Variants in LRGUK observed in about 807,000 individuals in gnomAD.
LRGUK encodes the protein leucine rich repeats and guanylate kinase domain containing.
In LRGUK, 65 loss-of-function variants were observed where a neutral mutation model predicts 76.0. The observed-to-expected ratio is 0.85, with a 90% CI of 0.70 to 1.05. LRGUK has a LOEUF of 1.05. Among genes scored for constraint, LRGUK ranks in the 50% least tolerant of loss-of-function variants. The pLI, the probability that LRGUK is intolerant of heterozygous loss-of-function variation, is 0.00. For synonymous variants in LRGUK, 268 were observed against 265.6 expected, an observed-to-expected ratio of 1.01 and a Z score of -0.09; for missense variants, 758 against 732.8, an observed-to-expected ratio of 1.03 and a Z score of -0.40.
chr7:134,169,476 G>A (rs1428894720), intron 7 of LRGUK, among the ~76,000 whole-genome samples: 1 of 152,138 alleles, frequency 6.6e-6, no homozygotes. Flanking sequence ...CTGTATGTCT[G>A]GGGAATAGAG....
intron 16 of LRGUK, among the ~76,000 whole-genome samples, chr7:134,232,737 AT>A (rs771123449): frequency 3.2e-4 from 48 of 152,198 alleles, no homozygotes; most frequent in Non-Finnish European, 5.4e-4. Flanking sequence ...TCATTTATAA[AT>A]ATACAATTCT....
intron 16 of LRGUK, among the ~76,000 whole-genome samples, chr7:134,226,217 A>AAT (rs1226562578): frequency 1.1e-5 from 1 of 92,180 alleles, no homozygotes; most frequent in African/African-American, 7.2e-5. Context: ...TCCCATCTCC[A>AAT]ATGTGTGTGT....
intron 7 of LRGUK, among the ~76,000 whole-genome samples, chr7:134,165,090 C>T (rs1263900482): frequency 6.6e-6 from 1 of 152,198 alleles, no homozygotes; most frequent in East Asian, 1.9e-4. Context: ...GTGGAAAGCT[C>T]TCATTAAATC....
At chr7:134,166,897 G>A (rs1223165179) in intron 7 of LRGUK, among the ~76,000 whole-genome samples, 3 of 152,124 alleles carry the variant, frequency 2.0e-5, no homozygotes, top group Admixed American at 6.5e-5. Context: ...CTTCACATAC[G>A]TGAGCAAAAG....
rs10235717 is a variant in LRGUK at position 134,220,875 on chromosome 7, G to A, written c.1844-904G>A. Among the ~76,000 whole-genome samples, 299 of 152,046 alleles carry A rather than the reference G, an allele frequency of 2.0e-3. 1 individual carries two copies. Among genetic ancestry groups the A allele is most frequent in the African/African-American group, 6.8e-3 (281 of 41,488 alleles). On this transcript the variant is annotated intron_variant, in intron 15 of 19. Transcript: ENST00000285928. ...GTGAGCCATTGCACCTGGCCAAGTC[G>A]GGTCTTGTGTGCCAAGCATGCAGGG...
At chr7:134,207,379 G>A (rs554555277) in intron 15 of LRGUK, among the ~76,000 whole-genome samples, 6 of 152,132 alleles carry the variant, frequency 3.9e-5, no homozygotes, top group South Asian at 2.1e-4. Flanking sequence ...GCCTACTCTC[G>A]ATATTTTCAC....
Position 134,163,557 on chromosome 7 carries a change from C to T in LRGUK, c.939+17C>T. 1 of 1,595,450 alleles carries T rather than the reference C, an allele frequency of 6.3e-7. No homozygotes were observed. Among genetic ancestry groups the T allele is most frequent in the African/African-American group, 1.3e-5 (1 of 74,718 alleles). ...GATAATAAGGTAGTGTTGCACTTCA[C>T]ATGTCTTGGTTTCAGTGTTGACATA... On this transcript the variant is annotated intron_variant, in intron 7 of 15. Transcript: ENST00000645682.
intron 17 of LRGUK, 38 bp from the exon 18 acceptor site, chr7:134,248,913 C>A: frequency 1.5e-6 from 2 of 1,370,390 alleles, no homozygotes; most frequent in Non-Finnish European, 1.9e-6. Flanking sequence ...TTTACAAAAT[C>A]CTTTGGTTTT....
chr7:134,176,579 A>G (rs978868372), intron 8 of LRGUK, among the ~76,000 whole-genome samples: 1 of 151,988 alleles, frequency 6.6e-6, no homozygotes, highest in African/African-American at 2.4e-5. Flanking sequence ...ACAAGGTTTC[A>G]CCATGTTAGC....
exon 5 of LRGUK, chr7:134,148,252 C>T: frequency 6.2e-7 from 1 of 1,602,668 alleles, no homozygotes; most frequent in Non-Finnish European, 8.5e-7. Context: ...CGGATTTTTC[C>T]CACAACCAAA....
At chr7:134,174,635 A>T (rs751297410) in exon 8 of LRGUK, 2 of 1,551,840 alleles carry the variant, frequency 1.3e-6, no homozygotes, top group Non-Finnish European at 1.8e-6. Context: ...AATCCAATTC[A>T]GGTGAGACAT....
the LRGUK span, among the ~76,000 whole-genome samples, chr7:134,275,908 G>A: frequency 6.6e-6 from 1 of 152,130 alleles, no homozygotes; most frequent in Admixed American, 6.5e-5. Context: ...CAAAAAGAAA[G>A]AAAAATGTTT....
At chr7:134,258,169 C>T in intron 18 of LRGUK, 88 bp from the exon 19 acceptor site, 1 of 1,513,514 alleles carries the variant, frequency 6.6e-7, no homozygotes, top group African/African-American at 1.4e-5. Flanking sequence ...ATAAAGGTAA[C>T]CCAGTGAAGT....
At position 134,170,767 on chromosome 7, in the gene LRGUK, T is replaced by A. The variant is rs553604440; in HGVS notation, c.940-3789T>A. Reference sequence around the variant, plus strand: ...CAGCTATCATTTATTGAGAACTCATTATATCCTCAGCCTTGTGCTAACCAA... The same window carrying A: ...CAGCTATCATTTATTGAGAACTCATAATATCCTCAGCCTTGTGCTAACCAA... On this transcript the variant is annotated intron_variant, in intron 7 of 15. Coordinates refer to ENST00000645682, the Ensembl canonical transcript of LRGUK. Among the ~76,000 whole-genome samples, 4 of 152,326 alleles carry A rather than the reference T, an allele frequency of 2.6e-5. No homozygotes were observed. The South Asian group carries it at 8.3e-4, about 32-fold the overall frequency.
chr7:134,149,982 C>T (rs1261085130), intron 5 of LRGUK, among the ~76,000 whole-genome samples: 1 of 152,134 alleles, frequency 6.6e-6, no homozygotes, highest in Non-Finnish European at 1.5e-5. Flanking sequence ...TTAAGAAACA[C>T]TGGTTGGTCT....
intron 18 of LRGUK, among the ~76,000 whole-genome samples, chr7:134,252,336 A>G (rs1191352967): frequency 2.7e-5 from 4 of 147,898 alleles, no homozygotes; most frequent in Non-Finnish European, 6.0e-5. Context: ...TGTCTCAAAT[A>G]GATAATTAAA....
At chr7:134,128,167 T>G (rs1301287572) in intron 1 of LRGUK, among the ~76,000 whole-genome samples, 1 of 150,994 alleles carries the variant, frequency 6.6e-6, no homozygotes, top group Non-Finnish European at 1.5e-5. Flanking sequence ...CTAAGTGACT[T>G]AAAAGTTGAA....
intron 6 of LRGUK, among the ~76,000 whole-genome samples, chr7:134,161,540 C>T (rs1256040358): frequency 6.6e-6 from 1 of 151,610 alleles, no homozygotes; most frequent in Non-Finnish European, 1.5e-5. Flanking sequence ...TTTTTAAAAG[C>T]CATATAATTA....
intron 18 of LRGUK, among the ~76,000 whole-genome samples, chr7:134,255,358 G>A (rs1333545250): frequency 6.6e-6 from 1 of 151,838 alleles, no homozygotes; most frequent in Non-Finnish European, 1.5e-5. Context: ...GTCGGTAAAA[G>A]GACTTGAAGC....
Sources: allele counts gnomAD v4.1 joint callset (sites outside exome capture counted in the v4.1 genomes callset), GRCh38; gene constraint gnomAD v4.1.1; transcripts MANE v1.5; gene names NCBI Gene and HGNC (gene_info 2026-07-23, HGNC 2026-07-21).